Variants in RP1L1 observed in about 807,000 individuals in gnomAD.
The protein encoded by RP1L1 is retinitis pigmentosa 1-like 1 protein.
A neutral mutation model predicts 15.7 loss-of-function variants in RP1L1; 27 were observed. The observed-to-expected ratio is 1.72, with a 90% confidence interval of 1.27 to 2.38. The LOEUF is 2.38. RP1L1 is among the 30% of genes most tolerant of loss of function. The pLI is 0.00. For synonymous variants in RP1L1, 1,813 were observed against 1,276.7 expected (o/e 1.42, Z -8.96); for missense variants, 4,798 against 3,075.9 (o/e 1.56, Z -13.24).
At chr8:10,650,728 A>AT (rs1007938140) in intron 1 of RP1L1, among the ~76,000 whole-genome samples, 47 of 148,734 alleles carry the variant, frequency 3.2e-4, no homozygotes, top group East Asian at 1.8e-3. Context: ...CAACTGGCTA[A>AT]TTTTTTTTTT....
In RP1L1 at chr8:10,610,017, C is replaced by T; in HGVS notation, c.4081G>A (p.Glu1361Lys). The T allele has an allele frequency of 1.3e-6, 2 of 1,576,740 alleles. No individual in the cohort carries two copies. The highest frequency in any genetic ancestry group is 1.7e-6 in the Non-Finnish European group (2 of 1,160,500). ...EEEAQLEEIE[E>K]TGGEGLQEEG... is the part of the protein sequence containing the mutation. ...TCTTGCAGCCCTTCTCCTCCTGTTT[C>T]TTCAATTTCCTCTAACTGCGCCTCT... The change falls in exon 4 of 4, where the codon GAA becomes AAA. Residue 1361 changes from glutamate to lysine, a missense_variant. By Grantham distance (56) the Glu-to-Lys change is moderately conservative. Transcript: ENST00000382483.
intron 2 of RP1L1, 86 bp downstream of exon 2, chr8:10,622,507 A>G: frequency 1.3e-6 from 2 of 1,578,404 alleles, no homozygotes; most frequent in Non-Finnish European, 1.7e-6. Flanking sequence ...CCTCTTTTTA[A>G]GGAATAATCT....
chr8:10,621,461 G>A (rs1349394044), intron 2 of RP1L1: 3 of 299,774 alleles, frequency 1.0e-5, no homozygotes, highest in Non-Finnish European at 2.0e-5. Context: ...GAGTAGCTGG[G>A]ATTACAGGTG....
chr8:10,626,338 C>G (rs1309560317), intron 1 of RP1L1, among the ~76,000 whole-genome samples: 1 of 152,162 alleles, frequency 6.6e-6, no homozygotes, highest in South Asian at 2.1e-4. Flanking sequence ...AGGGCTGCTG[C>G]GAGACCTTGA....
intron 3 of RP1L1, 22 bp downstream of exon 3, chr8:10,616,424 G>A: frequency 6.2e-7 from 1 of 1,614,154 alleles, no homozygotes; most frequent in Non-Finnish European, 8.5e-7. Flanking sequence ...ATCAGATGGG[G>A]GAAACCCAAA....
At chr8:10,639,518 G>T (rs1457848336) in intron 1 of RP1L1, among the ~76,000 whole-genome samples, 1 of 152,052 alleles carries the variant, frequency 6.6e-6, no homozygotes, top group African/African-American at 2.4e-5. Flanking sequence ...GACTACAGGC[G>T]TGCACCACCA....
In RP1L1 at chr8:10,622,664, C is replaced by T. The variant is rs181942944; in HGVS notation, c.538G>A (p.Ala180Thr). 2.8e-5 allele frequency: 45 copies of T among 1,614,098 alleles called. No individual in the cohort carries two copies. Among genetic ancestry groups the T allele is most frequent in the Middle Eastern group, 1.6e-4 (1 of 6,084 alleles). ...AGATCTGAGGCTTTGCCGAGAAAGG[C>T]GGCCAGGTTCCTAGTATTCCTGTGA... ...LSHRNTRNLA[A>T]FLGKASDLLR... The change falls in exon 2 of 4, where the codon GCC becomes ACC. Residue 180 changes from alanine to threonine, a missense_variant. Ala to Thr is a moderately conservative substitution (Grantham distance 58). Transcript: ENST00000382483.
chr8:10,606,867 T>A lies in RP1L1; in HGVS notation c.*28A>T. 1 of 1,613,884 alleles carries A rather than the reference T, an allele frequency of 6.2e-7. No homozygotes were observed. The highest frequency in any genetic ancestry group is 8.5e-7 in the Non-Finnish European group (1 of 1,180,020). On this transcript the variant is annotated 3_prime_UTR_variant, in exon 4 of 4. Coordinates refer to ENST00000382483, the MANE Select transcript of RP1L1 (RefSeq NM_178857.6). ...ATGAATAAAAACAGAGCTCCCAAGC[T>A]CGTGATTGTTTTCTAGCTTGATCTT...
chr8:10,612,670 CG>C lies in RP1L1; in HGVS notation c.1427del (p.Pro476ArgfsTer14). 6.2e-7 allele frequency: 1 copy of C among 1,601,538 alleles called. No individual in the cohort carries two copies. On this transcript the variant is annotated frameshift_variant, in exon 4 of 4. Transcript: ENST00000382483. LOFTEE classifies it low-confidence loss of function (END_TRUNC). ...EPESSCCPRT[P>X]EDGVDSASPS... ...GGCTGGCACTGTCCACCCCGTCCTC[CG>C]GGGTCCTGGGGCAGCAGGAGGACTC... is the stretch of plus-strand genomic sequence containing the variant.
intron 1 of RP1L1, among the ~76,000 whole-genome samples, chr8:10,638,050 C>A (rs575210924): frequency 6.6e-6 from 1 of 152,344 alleles, no homozygotes; most frequent in Middle Eastern, 3.4e-3. Flanking sequence ...GGAGGCACAG[C>A]CACTGATCCT....
In RP1L1 at chr8:10,609,036, C is replaced by G; in HGVS notation, c.5062G>C (p.Asp1688His). 1 of 1,613,812 alleles carries G rather than the reference C, an allele frequency of 6.2e-7. No individual in the cohort carries two copies. Among genetic ancestry groups the G allele is most frequent in the Non-Finnish European group, 8.5e-7 (1 of 1,179,746 alleles). ...TTCCTCTGCAGAATCTGCTGCAGGT[C>G]AAAGGCCTCTTTGATGGGACCTCTG... ...ATRGPIKEAF[D>H]LQQILQRKRG... Residue 1688 changes from aspartate (D) to histidine (H), a missense_variant, in exon 4 of 4, where the codon GAC becomes CAC. By Grantham distance (81) the Asp-to-His change is moderately conservative. Transcript: ENST00000382483.
chr8:10,653,336 TG>T (rs1215610346), intron 1 of RP1L1, among the ~76,000 whole-genome samples: 1 of 152,106 alleles, frequency 6.6e-6, no homozygotes, highest in Non-Finnish European at 1.5e-5. Flanking sequence ...CCAGACCCCT[TG>T]ATTTCCACCT....
chr8:10,651,786 C>T (rs998576543), intron 1 of RP1L1, among the ~76,000 whole-genome samples: 2 of 150,736 alleles, frequency 1.3e-5, no homozygotes. Flanking sequence ...AAGTTATGCT[C>T]AGAGCTGTTG....
At position 10,622,655 on chromosome 8, in the gene RP1L1, C is replaced by A. The variant is rs115126172; in HGVS notation, c.547G>T (p.Gly183Cys). The change falls in exon 2 of 4, where the codon GGC becomes TGC. Residue 183 changes from glycine (G) to cysteine (C), a missense_variant. Physicochemically the swap from Gly to Cys is radical, Grantham distance 159. Coordinates refer to ENST00000382483, the MANE Select transcript of RP1L1 (RefSeq NM_178857.6). ...RNTRNLAAFL[G>C]KASDLLRFPV... ...AAGCGCAGGAGATCTGAGGCTTTGC[C>A]GAGAAAGGCGGCCAGGTTCCTAGTA... 4 of 1,614,162 alleles carry A rather than the reference C, an allele frequency of 2.5e-6. No homozygotes were observed. In the East Asian group the frequency reaches 6.7e-5, roughly 27 times the overall value.
At chr8:10,617,243 C>A (rs1477432623) in intron 2 of RP1L1, among the ~76,000 whole-genome samples, 1 of 151,936 alleles carries the variant, frequency 6.6e-6, no homozygotes, top group Non-Finnish European at 1.5e-5. Flanking sequence ...GAAACTGGTC[C>A]CTGGACCGAG....
chr8:10,607,659 C>A lies in RP1L1; in HGVS notation c.6439G>T (p.Gly2147Cys). Residue 2147 changes from glycine (G) to cysteine (C), a missense_variant, in exon 4 of 4, where the codon GGT becomes TGT. Physicochemically the swap from Gly to Cys is radical, Grantham distance 159 (BLOSUM62 -3). Transcript: ENST00000382483. ...AEGEAQPESE[G>C]VEAQDAEGEA... ...CCTTCTGCATCCTGGGCCTCTACAC[C>A]TTCTGACTCAGGCTGGGCCTCCCCT... is the stretch of plus-strand genomic sequence containing the variant. 2.5e-6 allele frequency: 4 copies of A among 1,590,476 alleles called. No individual in the cohort carries two copies. Among genetic ancestry groups the A allele is most frequent in the Non-Finnish European group, 3.4e-6 (4 of 1,165,468 alleles).
Position 10,609,055 on chromosome 8 carries a change from A to C in RP1L1, c.5043T>G (p.Gly1681=). 6.2e-7 allele frequency: 1 copy of C among 1,613,588 alleles called. No homozygotes were observed. Among genetic ancestry groups the C allele is most frequent in the Non-Finnish European group, 8.5e-7 (1 of 1,179,674 alleles). Residue 1681 remains glycine (G), a synonymous_variant, in exon 4 of 4, where the codon GGT becomes GGG. Transcript: ENST00000382483. ...SPKATMGATR[G]PIKEAFDLQQ... is the part of the protein sequence containing the mutation. ...GCAGGTCAAAGGCCTCTTTGATGGG[A>C]CCTCTGGTTGCCCCCATTGTGGCCT...
At chr8:10,625,918 A>T (rs367895067) in intron 1 of RP1L1, among the ~76,000 whole-genome samples, 1 of 150,888 alleles carries the variant, frequency 6.6e-6, no homozygotes, top group East Asian at 2.0e-4. Context: ...CGAGGGCAGC[A>T]TTGTGGGATG....
At chr8:10,616,038 G>A (rs554001232) in intron 3 of RP1L1, among the ~76,000 whole-genome samples, 1 of 152,148 alleles carries the variant, frequency 6.6e-6, no homozygotes, top group South Asian at 2.1e-4. Flanking sequence ...CCAAGTAGCT[G>A]AAACTATAGG....
Sources: gnomAD v4.1 joint callset for allele counts (sites outside exome capture counted in the v4.1 genomes callset) on GRCh38, gnomAD v4.1.1 for gene constraint, MANE v1.5 for transcripts, NCBI Gene and HGNC (gene_info 2026-07-23, HGNC 2026-07-21) for gene names.